Variants in C16orf74 observed in about 807,000 individuals in gnomAD.
C16orf74 encodes calcimembrin, also known as uncharacterized protein C16orf74.
In C16orf74, 10 loss-of-function variants were observed where a neutral mutation model predicts 6.5. The observed-to-expected ratio is 1.54, with a 90% CI of 0.95 to 2.61. C16orf74 has a LOEUF of 2.61. Ranked by LOEUF, C16orf74 falls within the 30% of genes most tolerant of loss-of-function variation. C16orf74 has a pLI of 0.00. For missense variants in C16orf74, 141 were observed against 105.9 expected (o/e 1.33, Z -1.45); for synonymous variants, 60 against 42.5 (o/e 1.41, Z -1.60).
At chr16:85,744,584 A>G (rs2054348678) in intron 1 of C16orf74, among the ~76,000 whole-genome samples, 2 of 152,230 alleles carry the variant, frequency 1.3e-5, no homozygotes, top group East Asian at 3.9e-4. Context: ...AAATCCCAGC[A>G]CTTTGGGAGG....
At chr16:85,709,816 C>G (rs1047643714) in intron 3 of C16orf74, among the ~76,000 whole-genome samples, 3 of 152,254 alleles carry the variant, frequency 2.0e-5, no homozygotes, top group Admixed American at 6.5e-5. Context: ...CAGCGGCCAA[C>G]AAGATGGAGC....
At chr16:85,747,170 C>T (rs2054383735) in intron 1 of C16orf74, among the ~76,000 whole-genome samples, 1 of 152,186 alleles carries the variant, frequency 6.6e-6, no homozygotes, top group African/African-American at 2.4e-5. Context: ...AATAATAGAG[C>T]TGAACACCTT....
intron 2 of C16orf74, among the ~76,000 whole-genome samples, chr16:85,718,268 C>G (rs912273148): frequency 6.6e-6 from 1 of 152,082 alleles, no homozygotes; most frequent in Non-Finnish European, 1.5e-5. Context: ...AGAGACAGGG[C>G]CTCATTATAT....
intron 1 of C16orf74, among the ~76,000 whole-genome samples, chr16:85,749,751 C>A (rs958476908): frequency 6.6e-6 from 1 of 152,246 alleles, no homozygotes; most frequent in Non-Finnish European, 1.5e-5. Flanking sequence ...TTCAAGTCTC[C>A]AGAGGTGACC....
intron 1 of C16orf74, among the ~76,000 whole-genome samples, chr16:85,741,335 T>G (rs890782628): frequency 1.3e-5 from 2 of 152,166 alleles, no homozygotes; most frequent in African/African-American, 2.4e-5. Flanking sequence ...AGGTTTTCTC[T>G]GAACAGCTGT....
At chr16:85,718,506 G>A (rs921146149) in intron 2 of C16orf74, among the ~76,000 whole-genome samples, 2 of 152,196 alleles carry the variant, frequency 1.3e-5, no homozygotes, top group Admixed American at 1.3e-4. Context: ...GCGATGGACG[G>A]CCAGACGGCC....
intron 2 of C16orf74, 84 bp downstream of exon 2, chr16:85,735,106 G>T: frequency 8.1e-7 from 1 of 1,227,750 alleles, no homozygotes; most frequent in Non-Finnish European, 1.2e-6. Flanking sequence ...CAGGGCAGAG[G>T]GCTTCAACTC....
chr16:85,731,734 C>A (rs2054190136), intron 2 of C16orf74, among the ~76,000 whole-genome samples: 1 of 151,474 alleles, frequency 6.6e-6, no homozygotes, highest in African/African-American at 2.4e-5. Context: ...GTCACCCAGG[C>A]TGGAGTGCAG....
At chr16:85,745,003 T>G (rs2054356806) in intron 1 of C16orf74, among the ~76,000 whole-genome samples, 1 of 151,150 alleles carries the variant, frequency 6.6e-6, no homozygotes, top group Non-Finnish European at 1.5e-5. Context: ...TAGCCAGGCA[T>G]TGTGGCGCAC....
At position 85,709,719 on chromosome 16, in the gene C16orf74, G is replaced by C. The variant is rs956548160; in HGVS notation, c.172+445C>G. Among the ~76,000 whole-genome samples the C allele has an allele frequency of 2.0e-4, 30 of 152,312 alleles. 1 individual carries two copies. Among genetic ancestry groups the C allele is most frequent in the African/African-American group, 7.2e-4 (30 of 41,558 alleles). On this transcript the variant is annotated intron_variant, in intron 3 of 3. Transcript: ENST00000284245. ...GAACTCTATTTCCTCGCCGCTCCCAGCAGTGAGCTGCATCTGGAAGGCCCA... is the reference window on the plus strand; with the variant it reads ...GAACTCTATTTCCTCGCCGCTCCCACCAGTGAGCTGCATCTGGAAGGCCCA...
chr16:85,711,700 T>C (rs2053972176), intron 2 of C16orf74, among the ~76,000 whole-genome samples: 1 of 152,080 alleles, frequency 6.6e-6, no homozygotes, highest in Non-Finnish European at 1.5e-5. Flanking sequence ...TTACAATCCT[T>C]GTCTCTATGT....
chr16:85,746,467 C>T (rs1378576519), intron 1 of C16orf74, among the ~76,000 whole-genome samples: 1 of 152,158 alleles, frequency 6.6e-6, no homozygotes, highest in Non-Finnish European at 1.5e-5. Context: ...TCTGGCTGTC[C>T]CAGATGGGGA....
Position 85,711,036 on chromosome 16 carries a change from G to A in C16orf74, c.29-729C>T, listed in dbSNP as rs191102651. On this transcript the variant is annotated intron_variant, in intron 2 of 3. Coordinates refer to ENST00000284245, the MANE Select transcript of C16orf74 (RefSeq NM_206967.3). The stretch of plus-strand genomic sequence containing the variant: ...GTGCTTTAAATTTCAAATGCCAGCC[G>A]GGCGCGGTGGCTCATGCCTGTAATG... 2.0e-5 allele frequency among the ~76,000 whole-genome samples: 3 copies of A among 152,274 alleles called. No homozygotes were observed. In the East Asian group the frequency reaches 5.8e-4, roughly 29 times the overall value.
Position 85,707,929 on chromosome 16 carries a change from C to A in C16orf74, c.*79G>T. On this transcript the variant is annotated 3_prime_UTR_variant, in exon 4 of 4. Coordinates refer to ENST00000284245, the MANE Select transcript of C16orf74 (RefSeq NM_206967.3). ...CCATCCAGGGTATTCAGCACACCTG[C>A]TCCAGGCAGCCACGCCCCCGGACAC... The A allele has an allele frequency of 7.7e-7, 1 of 1,290,554 alleles. No individual in the cohort carries two copies. Among genetic ancestry groups the A allele is most frequent in the Non-Finnish European group, 1.1e-6 (1 of 917,984 alleles). 79.9% of individuals were successfully genotyped at this position (1,290,554 alleles called of 1,614,324 possible).
intron 2 of C16orf74, among the ~76,000 whole-genome samples, chr16:85,716,424 GAGAGGAGGA>G (rs1195644078): frequency 1.4e-5 from 2 of 144,510 alleles, no homozygotes; most frequent in African/African-American, 5.2e-5. Context: ...AGAAGAGGGA[GAGAGGAGGA>G]AGAGGAGGAA....
At chr16:85,708,189 T>C (rs543735493) in intron 3 of C16orf74, 123 bp from the exon 4 acceptor site, 4 of 807,130 alleles carry the variant, frequency 5.0e-6, no homozygotes, top group Non-Finnish European at 8.1e-6. Flanking sequence ...TGCCAGAGGC[T>C]GAGATGGGAC....
chr16:85,737,120 G>A (rs1416475591), intron 1 of C16orf74, among the ~76,000 whole-genome samples: 1 of 152,180 alleles, frequency 6.6e-6, no homozygotes, highest in Admixed American at 6.6e-5. Flanking sequence ...GTGTGGGGAA[G>A]TGATCTGTGC....
At chr16:85,747,923 T>TA (rs751267374) in intron 1 of C16orf74, among the ~76,000 whole-genome samples, 4 of 151,820 alleles carry the variant, frequency 2.6e-5, no homozygotes, top group African/African-American at 7.3e-5. Flanking sequence ...CCATCTCTAC[T>TA]AAAAATACAA....
At chr16:85,749,440 AC>A (rs1414458665) in intron 1 of C16orf74, among the ~76,000 whole-genome samples, 1 of 151,630 alleles carries the variant, frequency 6.6e-6, no homozygotes, top group Non-Finnish European at 1.5e-5. Flanking sequence ...TATGCACCAC[AC>A]CCAGCTCATT....
Sources: allele counts gnomAD v4.1 joint callset (sites outside exome capture counted in the v4.1 genomes callset), GRCh38; gene constraint gnomAD v4.1.1; transcripts MANE v1.5; gene names NCBI Gene and HGNC (gene_info 2026-07-23, HGNC 2026-07-21).